OTOGL: variants seen among roughly 807,000 people sequenced by gnomAD.
The protein encoded by OTOGL is otogelin-like protein.
A neutral mutation model predicts 318.5 loss-of-function variants in OTOGL; 285 were observed. The ratio of observed to expected loss-of-function variants is 0.89; its 90% CI spans 0.81 to 0.99. The LOEUF (loss-of-function observed/expected upper bound fraction) is 0.99. Among genes scored for constraint, OTOGL ranks in the 50% least tolerant of loss-of-function variants. The pLI is 0.00. For missense variants in OTOGL, 2,899 were observed against 2,845.6 expected, an observed-to-expected ratio of 1.02 and a Z score of -0.43; for synonymous variants, 987 against 936.5, an observed-to-expected ratio of 1.05 and a Z score of -0.99.
At chr12:80,118,167 T>C (rs1437566641) in intron 1 of OTOGL, among the ~76,000 whole-genome samples, 1 of 152,176 alleles carries the variant, frequency 6.6e-6, no homozygotes, top group African/African-American at 2.4e-5. Flanking sequence ...TTTAGGAGAT[T>C]GGCCCAAGGC....
chr12:80,140,085 A>T (rs955526308), intron 1 of OTOGL, among the ~76,000 whole-genome samples: 1 of 152,130 alleles, frequency 6.6e-6, no homozygotes, highest in African/African-American at 2.4e-5. Flanking sequence ...ATCAAGTCAC[A>T]TTCACTCCAG....
chr12:80,132,149 G>C (rs1403103344), intron 1 of OTOGL: 4 of 152,198 alleles, frequency 2.6e-5, no homozygotes, highest in Non-Finnish European at 5.9e-5. Flanking sequence ...GGTTTGAGAA[G>C]TACTGACCTA....
At chr12:80,368,382 G>GAC in intron 55 of OTOGL, 73 bp downstream of exon 55, 1 of 830,542 alleles carries the variant, frequency 1.2e-6, no homozygotes, top group Non-Finnish European at 1.8e-6. Context: ...TTTGGAAAAT[G>GAC]TCCCCCCCCA....
At chr12:80,314,739 A>G (rs964019099) in intron 32 of OTOGL, among the ~76,000 whole-genome samples, 2 of 152,104 alleles carry the variant, frequency 1.3e-5, no homozygotes, top group South Asian at 2.1e-4. Flanking sequence ...GACAAATATA[A>G]TTGTATATAT....
chr12:80,212,118 AAGG>A, intron 4 of OTOGL, 121 bp downstream of exon 4: 4 of 1,004,804 alleles, frequency 4.0e-6, no homozygotes, highest in Non-Finnish European at 5.7e-6. Context: ...ACAAGACAGG[AAGG>A]AGGAGGAAGA....
intron 34 of OTOGL, 41 bp from the exon 35 acceptor site, chr12:80,323,682 G>A (rs1375960669): frequency 7.0e-7 from 1 of 1,420,318 alleles, no homozygotes; most frequent in South Asian, 1.2e-5. Context: ...TTCAAGCTAT[G>A]TATTAAATAT....
chr12:80,295,302 G>A (rs563708535), intron 26 of OTOGL, among the ~76,000 whole-genome samples: 246 of 151,188 alleles, frequency 1.6e-3, no homozygotes, highest in African/African-American at 5.2e-3. Context: ...TCAGCCTCCC[G>A]AGTAGCTGGG....
intron 1 of OTOGL, among the ~76,000 whole-genome samples, chr12:80,146,000 T>G (rs9668411): frequency 6.7e-6 from 1 of 149,826 alleles, no homozygotes; most frequent in African/African-American, 2.5e-5. Context: ...ATGTCATCTG[T>G]AAGCAGGGAC....
At chr12:80,334,330 C>G (rs1306960440) in intron 38 of OTOGL, among the ~76,000 whole-genome samples, 1 of 152,142 alleles carries the variant, frequency 6.6e-6, no homozygotes, top group Non-Finnish European at 1.5e-5. Context: ...ATGGAGAAAT[C>G]TTGGGGAGTG....
chr12:80,271,501 C>T (rs1883403569), intron 23 of OTOGL, 147 bp from the exon 24 acceptor site: 4 of 632,626 alleles, frequency 6.3e-6, no homozygotes, highest in Non-Finnish European at 1.0e-5. Flanking sequence ...AAATTATATT[C>T]TAGTTAGTTA....
chr12:80,165,412 G>T (rs1160968596), intron 1 of OTOGL, among the ~76,000 whole-genome samples: 1 of 152,164 alleles, frequency 6.6e-6, no homozygotes, highest in Non-Finnish European at 1.5e-5. Flanking sequence ...AGTGGTTGTG[G>T]GATGTGTGTA....
intron 26 of OTOGL, among the ~76,000 whole-genome samples, chr12:80,281,230 T>C (rs951134504): frequency 6.6e-6 from 1 of 151,858 alleles, no homozygotes; most frequent in South Asian, 2.1e-4. Flanking sequence ...TCCAGTACTA[T>C]GTTGAATGAG....
At chr12:80,221,084 G>A (rs1395503977) in intron 6 of OTOGL, among the ~76,000 whole-genome samples, 4 of 151,890 alleles carry the variant, frequency 2.6e-5, no homozygotes, top group African/African-American at 9.7e-5. Context: ...CTCAGTGAAT[G>A]TTACTGGTTT....
intron 1 of OTOGL, among the ~76,000 whole-genome samples, chr12:80,176,591 G>T (rs889069947): frequency 6.6e-6 from 1 of 151,570 alleles, no homozygotes; most frequent in Non-Finnish European, 1.5e-5. Context: ...ATTTTTTATT[G>T]CTAAGTAGTA....
intron 1 of OTOGL, among the ~76,000 whole-genome samples, chr12:80,208,785 A>T (rs956637661): frequency 6.6e-6 from 1 of 152,126 alleles, no homozygotes; most frequent in Non-Finnish European, 1.5e-5. Flanking sequence ...ATCTTTTTTT[A>T]AAAATTGCTA....
chr12:80,356,366 C>T (rs756629416), intron 47 of OTOGL, 50 bp from the exon 48 acceptor site: 4 of 1,405,478 alleles, frequency 2.8e-6, no homozygotes, highest in Non-Finnish European at 4.0e-6. Context: ...TTTGAGTTGG[C>T]AGATTTTAGT....
intron 1 of OTOGL, among the ~76,000 whole-genome samples, chr12:80,100,414 T>C (rs1216851398): frequency 6.6e-6 from 1 of 152,144 alleles, no homozygotes; most frequent in Non-Finnish European, 1.5e-5. Context: ...ATTATATCTT[T>C]TTATCTAAAT....
chr12:80,352,282 A>G lies in OTOGL; in HGVS notation c.5266-13A>G. The G allele has an allele frequency of 1.2e-6, 2 of 1,600,768 alleles. No homozygotes were observed. The highest frequency in any genetic ancestry group is 1.7e-6 in the Non-Finnish European group (2 of 1,175,068). ...AACAATATAACTTATTTCAAGGCAA[A>G]ATGTTTCTCTAGGTTTCACCGGAAG... On this transcript the variant is annotated splice_polypyrimidine_tract_variant and intron_variant, in intron 44 of 58. Coordinates refer to ENST00000547103, the MANE Select transcript of OTOGL (RefSeq NM_001378609.3).
At position 80,279,035 on chromosome 12, in the gene OTOGL, C is replaced by A; in HGVS notation, c.2797C>A (p.Arg933=). The A allele has an allele frequency of 4.9e-6, 7 of 1,433,292 alleles. No individual in the cohort carries two copies. The highest frequency in any genetic ancestry group is 6.5e-6 in the Non-Finnish European group (7 of 1,071,678). 88.8% of individuals were successfully genotyped at this position (1,433,292 alleles called of 1,614,324 possible). Residue 933 remains arginine, a synonymous_variant, in exon 26 of 59, where the codon CGA becomes AGA. Coordinates refer to ENST00000547103, the MANE Select transcript of OTOGL (RefSeq NM_001378609.3). The part of the protein sequence containing the change: ...IATPCYTCVC[R]RGMFNCTYYP... ...TTTGTTATTTTTTAATAGCGTTTGT[C>A]GACGAGGAATGTTCAATTGCACATA...
Sources: gnomAD v4.1 joint callset for allele counts (sites outside exome capture counted in the v4.1 genomes callset) on GRCh38, gnomAD v4.1.1 for gene constraint, MANE v1.5 for transcripts, NCBI Gene and HGNC (gene_info 2026-07-23, HGNC 2026-07-21) for gene names.